Variants in RSRC1 observed in about 807,000 individuals in gnomAD.
RSRC1 encodes the protein arginine and serine rich coiled-coil 1, also known as serine/Arginine-related protein 53.
Under a neutral mutation model 49.1 loss-of-function variants are expected in RSRC1, and 39 were observed. The observed-to-expected ratio is 0.79, with a 90% confidence interval of 0.61 to 1.04. The LOEUF (loss-of-function observed/expected upper bound fraction) is 1.04. Ranked by LOEUF, RSRC1 falls within the 50% of genes least tolerant of loss-of-function variation. The pLI, the probability that RSRC1 is intolerant of heterozygous loss-of-function variation, is 0.00. For synonymous variants in RSRC1, 143 were observed against 130.8 expected (o/e 1.09, Z -0.63); for missense variants, 388 against 402.4 (o/e 0.96, Z 0.31).
At chr3:158,516,770 C>T (rs533304950) in intron 7 of RSRC1, among the ~76,000 whole-genome samples, 16 of 152,314 alleles carry the variant, frequency 1.1e-4, no homozygotes, top group South Asian at 8.3e-4. Flanking sequence ...TAGGGCCCTC[C>T]GAGCCAGGTG....
chr3:158,521,735 G>GA (rs1186191835), intron 7 of RSRC1, among the ~76,000 whole-genome samples: 1 of 151,968 alleles, frequency 6.6e-6, no homozygotes, highest in Non-Finnish European at 1.5e-5. Flanking sequence ...TATTTGTCAT[G>GA]AAAAAACACT....
chr3:158,192,698 A>G (rs1455514498), intron 3 of RSRC1, among the ~76,000 whole-genome samples: 1 of 152,034 alleles, frequency 6.6e-6, no homozygotes, highest in Non-Finnish European at 1.5e-5. Context: ...CAAGACCTGC[A>G]TATGTCCCCC....
intron 6 of RSRC1, among the ~76,000 whole-genome samples, chr3:158,434,752 T>C (rs1735956734): frequency 6.6e-6 from 1 of 151,984 alleles, no homozygotes; most frequent in Non-Finnish European, 1.5e-5. Flanking sequence ...TGACTTTTCA[T>C]CATATTTTGG....
At chr3:158,510,291 C>G (rs967322051) in intron 7 of RSRC1, among the ~76,000 whole-genome samples, 1 of 152,036 alleles carries the variant, frequency 6.6e-6, no homozygotes, top group South Asian at 2.1e-4. Context: ...TTACATGTTT[C>G]TATTGGTTTA....
intron 6 of RSRC1, among the ~76,000 whole-genome samples, chr3:158,360,930 G>A (rs773433193): frequency 3.3e-5 from 5 of 152,140 alleles, no homozygotes; most frequent in African/African-American, 7.2e-5. Context: ...CCCCAGCTGC[G>A]CCCCCTCACA....
At chr3:158,514,519 G>A (rs1740385415) in intron 7 of RSRC1, among the ~76,000 whole-genome samples, 1 of 152,172 alleles carries the variant, frequency 6.6e-6, no homozygotes, top group East Asian at 1.9e-4. Context: ...CATTTGCTGA[G>A]GAGAGCTTTA....
At chr3:158,290,709 G>A (rs1337170260) in intron 4 of RSRC1, among the ~76,000 whole-genome samples, 1 of 152,140 alleles carries the variant, frequency 6.6e-6, no homozygotes, top group Admixed American at 6.5e-5. Flanking sequence ...ATGTAATAAT[G>A]TATGTAGTCA....
At chr3:158,118,462 T>TGTGTGTGTGTGTGTGTGTGTGTGC (rs1491469875) in intron 1 of RSRC1, among the ~76,000 whole-genome samples, 29 of 124,708 alleles carry the variant, frequency 2.3e-4, no homozygotes, top group East Asian at 7.9e-4. Flanking sequence ...TGTGTGTGTG[T>TGTGTGTGTGTGTGTGTGTGTGTGC]GCGCGTGCGC....
chr3:158,460,097 C>G (rs1436327581), intron 6 of RSRC1, among the ~76,000 whole-genome samples: 1 of 151,844 alleles, frequency 6.6e-6, no homozygotes, highest in Non-Finnish European at 1.5e-5. Flanking sequence ...AATGCTGGCA[C>G]AGTTTGATTC....
chr3:158,413,430 C>G (rs554611402), intron 6 of RSRC1, among the ~76,000 whole-genome samples: 1 of 152,042 alleles, frequency 6.6e-6, no homozygotes, highest in African/African-American at 2.4e-5. Flanking sequence ...TAGGCATGGG[C>G]AAAGATTTTA....
At chr3:158,355,338 A>G (rs931693628) in intron 6 of RSRC1, among the ~76,000 whole-genome samples, 1 of 151,604 alleles carries the variant, frequency 6.6e-6, no homozygotes, top group Non-Finnish European at 1.5e-5. Flanking sequence ...ATAAAACTTT[A>G]TATTTTATGG....
chr3:158,444,373 T>A (rs1362539654), intron 6 of RSRC1, among the ~76,000 whole-genome samples: 1 of 152,104 alleles, frequency 6.6e-6, no homozygotes, highest in Non-Finnish European at 1.5e-5. Context: ...AACCATCTGA[T>A]CTTTGGCAAA....
intron 8 of RSRC1, among the ~76,000 whole-genome samples, chr3:158,538,690 A>G (rs1007151046): frequency 2.6e-5 from 4 of 151,944 alleles, no homozygotes; most frequent in African/African-American, 9.7e-5. Context: ...TTTCAAGTCA[A>G]CGCCTCCAAG....
intron 7 of RSRC1, among the ~76,000 whole-genome samples, chr3:158,490,326 C>T (rs2108446691): frequency 6.6e-6 from 1 of 152,308 alleles, no homozygotes; most frequent in South Asian, 2.1e-4. Context: ...CCTCATGATC[C>T]ACCCACCTCA....
intron 6 of RSRC1, among the ~76,000 whole-genome samples, chr3:158,426,487 A>T (rs1253759961): frequency 6.6e-6 from 1 of 151,660 alleles, no homozygotes; most frequent in African/African-American, 2.4e-5. Flanking sequence ...CATGTATTTT[A>T]AAAAGATGCC....
Position 158,230,050 on chromosome 3 carries a change from GT to G in RSRC1, c.494+26807del, listed in dbSNP as rs550776089. ...ATGCGATCTAGGATCATATACTGCA[GT>G]TAGTTGTCATGTCTTTTTAAGTTTC... On this transcript the variant is annotated intron_variant, in intron 4 of 9. Transcript: ENST00000611884. Among the ~76,000 whole-genome samples the G allele has an allele frequency of 2.6e-5, 4 of 152,114 alleles. No individual in the cohort carries two copies. The South Asian group carries it at 8.3e-4, about 32-fold the overall frequency.
chr3:158,379,302 G>A (rs1732563908), intron 6 of RSRC1, among the ~76,000 whole-genome samples: 1 of 145,720 alleles, frequency 6.9e-6, no homozygotes, highest in African/African-American at 2.5e-5. Context: ...CCGGGTTCAT[G>A]CCATTCTTCT....
At position 158,316,438 on chromosome 3, in the gene RSRC1, A is replaced by ATTTTTTTTTTTTTTTTTTTT. The variant is rs564633575; in HGVS notation, c.531+18370_531+18389dup. Among the ~76,000 whole-genome samples, 23 of 72,240 alleles carry ATTTTTTTTTTTTTTTTTTTT rather than the reference A, an allele frequency of 3.2e-4. 2 individuals are homozygous for ATTTTTTTTTTTTTTTTTTTT. The highest frequency in any genetic ancestry group is 3.8e-4 in the African/African-American group (6 of 15,694). 47.4% of individuals were successfully genotyped at this position (72,240 alleles called of 152,430 possible). On this transcript the variant is annotated intron_variant, in intron 5 of 9. Transcript: ENST00000611884. Reference sequence around the variant, plus strand: ...TAATCAGTCCACTGCAGAATCTCTCATTTTTTTTTTTTTTTTTTTTTTTTT... The same window carrying ATTTTTTTTTTTTTTTTTTTT: ...TAATCAGTCCACTGCAGAATCTCTCATTTTTTTTTTTTTTTTTTTTTTTTTTTTTTTTTTTTTTTTTTTTT...
chr3:158,440,720 G>T (rs1736337162), intron 6 of RSRC1, among the ~76,000 whole-genome samples: 1 of 151,988 alleles, frequency 6.6e-6, no homozygotes, highest in African/African-American at 2.4e-5. Flanking sequence ...GAGGTGGGTG[G>T]ATCACCTGAG....
Sources: gnomAD v4.1 joint callset for allele counts (sites outside exome capture counted in the v4.1 genomes callset) on GRCh38, gnomAD v4.1.1 for gene constraint, MANE v1.5 for transcripts, NCBI Gene and HGNC (gene_info 2026-07-23, HGNC 2026-07-21) for gene names.